ARHGAP24: variants seen among roughly 807,000 people sequenced by gnomAD.
The protein encoded by ARHGAP24 is rho GTPase-activating protein 24.
ARHGAP24 carries 50 observed loss-of-function variants against 76.4 expected under a neutral mutation model. The ratio of observed to expected loss-of-function variants is 0.65; its 90% CI spans 0.52 to 0.83. The LOEUF is 0.83. ARHGAP24 is among the 40% of genes least tolerant of loss of function. The pLI is 0.00. For missense variants in ARHGAP24, 930 were observed against 914.2 expected (o/e 1.02, Z -0.22); for synonymous variants, 345 against 323.3 (o/e 1.07, Z -0.72).
intron 3 of ARHGAP24, among the ~76,000 whole-genome samples, chr4:85,883,759 A>T (rs1226685237): frequency 6.6e-6 from 1 of 152,110 alleles, no homozygotes; most frequent in Non-Finnish European, 1.5e-5. Context: ...GACAGATGTT[A>T]GCAGAACGTA....
intron 3 of ARHGAP24, among the ~76,000 whole-genome samples, chr4:85,861,226 T>C (rs1298182049): frequency 1.3e-5 from 2 of 152,104 alleles, no homozygotes; most frequent in Non-Finnish European, 2.9e-5. Context: ...GGTGATTATA[T>C]TTTTCCTATC....
chr4:85,780,134 T>C (rs2110083734), intron 3 of ARHGAP24, among the ~76,000 whole-genome samples: 1 of 151,976 alleles, frequency 6.6e-6, no homozygotes, highest in East Asian at 1.9e-4. Flanking sequence ...CTATTAATTC[T>C]TAGATCAAAT....
At chr4:85,740,315 T>C (rs566744503) in intron 3 of ARHGAP24, among the ~76,000 whole-genome samples, 41 of 150,604 alleles carry the variant, frequency 2.7e-4, no homozygotes, top group Non-Finnish European at 4.4e-4. Context: ...CTCCCACTCC[T>C]GGGTTCAGGC....
chr4:85,794,068 T>C (rs1166901990), intron 3 of ARHGAP24, among the ~76,000 whole-genome samples: 1 of 152,194 alleles, frequency 6.6e-6, no homozygotes, highest in Non-Finnish European at 1.5e-5. Context: ...AATCCAAATA[T>C]ATTAATATAT....
chr4:85,578,886 T>G (rs1310974351), intron 2 of ARHGAP24, among the ~76,000 whole-genome samples: 1 of 152,112 alleles, frequency 6.6e-6, no homozygotes, highest in Non-Finnish European at 1.5e-5. Context: ...CATGTAAGAT[T>G]TACAGGGAGG....
chr4:85,779,943 G>A (rs1243691737), intron 3 of ARHGAP24, among the ~76,000 whole-genome samples: 3 of 152,140 alleles, frequency 2.0e-5, no homozygotes, highest in African/African-American at 7.2e-5. Context: ...AACTTGAAAA[G>A]CTTTTCAAAG....
At chr4:85,667,605 G>A (rs567310755) in intron 2 of ARHGAP24, among the ~76,000 whole-genome samples, 49 of 152,332 alleles carry the variant, frequency 3.2e-4, no homozygotes, top group African/African-American at 1.1e-3. Flanking sequence ...CACGCTGGGA[G>A]CTGTAGACCG....
intron 3 of ARHGAP24, among the ~76,000 whole-genome samples, chr4:85,730,706 G>A (rs1304642813): frequency 1.3e-5 from 2 of 152,112 alleles, no homozygotes; most frequent in Non-Finnish European, 2.9e-5. Context: ...ACCACACCCA[G>A]CTTGCATTAG....
chr4:85,868,957 G>A (rs1732364109), intron 3 of ARHGAP24, among the ~76,000 whole-genome samples: 1 of 151,452 alleles, frequency 6.6e-6, no homozygotes, highest in African/African-American at 2.4e-5. Context: ...TATCATAGTT[G>A]TATGTATTTT....
chr4:85,921,844 C>T (rs1164729184), intron 3 of ARHGAP24, among the ~76,000 whole-genome samples: 6 of 152,138 alleles, frequency 3.9e-5, no homozygotes, highest in Non-Finnish European at 7.4e-5. Context: ...CTAGGCTGCC[C>T]GCTCCTTATG....
chr4:85,820,967 A>G (rs1443004452), intron 3 of ARHGAP24, among the ~76,000 whole-genome samples: 1 of 152,152 alleles, frequency 6.6e-6, no homozygotes, highest in Non-Finnish European at 1.5e-5. Flanking sequence ...TAACAAATAT[A>G]TAAATATTTT....
chr4:85,683,119 G>T (rs868758144), intron 2 of ARHGAP24, among the ~76,000 whole-genome samples: 1 of 80,004 alleles, frequency 1.2e-5, no homozygotes, highest in African/African-American at 5.1e-5. Flanking sequence ...TGGGGGGGTG[G>T]GGGGGGGGTG....
chr4:85,929,490 G>T (rs1007835398), intron 4 of ARHGAP24, among the ~76,000 whole-genome samples: 4 of 152,188 alleles, frequency 2.6e-5, no homozygotes, highest in African/African-American at 9.7e-5. Flanking sequence ...GTGGATGAAT[G>T]ATTAACCCAG....
At chr4:85,495,764 C>G (rs1351489126) in intron 1 of ARHGAP24, among the ~76,000 whole-genome samples, 1 of 152,112 alleles carries the variant, frequency 6.6e-6, no homozygotes, top group East Asian at 1.9e-4. Context: ...TACAGCATGG[C>G]AGGCGTTGAA....
At chr4:85,598,394 C>A (rs1225735918) in intron 2 of ARHGAP24, among the ~76,000 whole-genome samples, 1 of 151,958 alleles carries the variant, frequency 6.6e-6, no homozygotes, top group Non-Finnish European at 1.5e-5. Context: ...TCTCTTAACA[C>A]CCTCTCTTTC....
At chr4:85,967,084 G>C (rs565219006) in intron 5 of ARHGAP24, among the ~76,000 whole-genome samples, 159 of 152,044 alleles carry the variant, frequency 1.0e-3, no homozygotes, top group Non-Finnish European at 2.0e-3. Flanking sequence ...GAGCAAGGAG[G>C]GATTCTTGTC....
chr4:85,761,783 G>A (rs1726742608), intron 3 of ARHGAP24, among the ~76,000 whole-genome samples: 1 of 152,146 alleles, frequency 6.6e-6, no homozygotes, highest in Non-Finnish European at 1.5e-5. Flanking sequence ...CAGCAGCTGA[G>A]GTGATGTCTT....
intron 3 of ARHGAP24, among the ~76,000 whole-genome samples, chr4:85,750,886 G>A (rs28528923): frequency 0.16 from 23,794 of 152,116 alleles, 2,421 homozygotes; most frequent in Non-Finnish European, 0.22. Context: ...AAGTCTCAGA[G>A]ATCTCTCTTC....
At chr4:85,683,834 G>A (rs1024168915) in intron 2 of ARHGAP24, among the ~76,000 whole-genome samples, 14 of 152,068 alleles carry the variant, frequency 9.2e-5, no homozygotes, top group Non-Finnish European at 1.0e-4. Context: ...TTGATACCTC[G>A]TGTAAGTGGA....
Sources: allele counts gnomAD v4.1 joint callset (sites outside exome capture counted in the v4.1 genomes callset), GRCh38; gene constraint gnomAD v4.1.1; transcripts MANE v1.5; gene names NCBI Gene and HGNC (gene_info 2026-07-23, HGNC 2026-07-21).